CCDC149: variants seen among roughly 807,000 people sequenced by gnomAD.
CCDC149 encodes coiled-coil domain-containing protein 149.
A neutral mutation model predicts 59.9 loss-of-function variants in CCDC149; 45 were observed. That is an observed-to-expected ratio of 0.75 (90% CI 0.59 to 0.96). CCDC149 has a LOEUF of 0.96. Ranked by LOEUF, CCDC149 falls within the 40% of genes least tolerant of loss-of-function variation. CCDC149 has a pLI of 0.00. For synonymous variants in CCDC149, 245 were observed against 260.6 expected (o/e 0.94, Z 0.58); for missense variants, 584 against 664.7 (o/e 0.88, Z 1.33).
At position 24,808,404 on chromosome 4, in the gene CCDC149, G is replaced by A; in HGVS notation, c.1608C>T (p.Ser536=). Residue 536 remains serine (S), a synonymous_variant, in exon 13 of 13, where the codon AGC becomes AGT. Transcript: ENST00000635206. ...CCTCTCCCCTTCAGGTTTTCACGGT[G>A]CTCCTCATGCCTCCGCCCTCTGGGA... is the stretch of plus-strand genomic sequence containing the variant. The A allele has an allele frequency of 6.9e-7, 1 of 1,451,206 alleles. No homozygotes were observed. Among genetic ancestry groups the A allele is most frequent in the Non-Finnish European group, 9.1e-7 (1 of 1,100,198 alleles). The allele number at this position is 1,451,206 out of a possible 1,614,324, so 89.9% of individuals were successfully genotyped here.
Position 24,862,053 on chromosome 4 carries a change from G to A in CCDC149, c.265-8874C>T, listed in dbSNP as rs1021471408. ...GAAGAGAGAGACTCCTATCACCAGA[G>A]ACAGTCGGCACCAAGATGAATCTTG... On this transcript the variant is annotated intron_variant, in intron 3 of 12. Transcript: ENST00000635206. Among the ~76,000 whole-genome samples the A allele has an allele frequency of 2.6e-5, 4 of 152,204 alleles. No homozygotes were observed. The East Asian group carries it at 7.7e-4, about 29-fold the overall frequency.
intron 1 of CCDC149, among the ~76,000 whole-genome samples, chr4:24,886,977 G>T (rs908929460): frequency 6.6e-6 from 1 of 151,522 alleles, no homozygotes; most frequent in African/African-American, 2.4e-5. Context: ...ATATTTCTCT[G>T]CAATTGCATT....
At chr4:24,901,560 C>T (rs2109306637) in intron 1 of CCDC149, among the ~76,000 whole-genome samples, 1 of 152,294 alleles carries the variant, frequency 6.6e-6, no homozygotes, top group East Asian at 1.9e-4. Flanking sequence ...TTAAAAATAG[C>T]AGTTGAGCTC....
upstream of CCDC149, among the ~76,000 whole-genome samples, chr4:24,914,498 G>A (rs564705932): frequency 2.6e-5 from 4 of 152,016 alleles, no homozygotes; most frequent in Non-Finnish European, 4.4e-5. Flanking sequence ...ATAGCTTGCT[G>A]GTTAAGGTAG....
At chr4:24,834,314 T>C (rs948220902) in intron 8 of CCDC149, among the ~76,000 whole-genome samples, 1 of 152,164 alleles carries the variant, frequency 6.6e-6, no homozygotes, top group Non-Finnish European at 1.5e-5. Context: ...ATTCTGAATA[T>C]TAAGTGTCAG....
intron 1 of CCDC149, among the ~76,000 whole-genome samples, chr4:24,978,149 G>A (rs545955030): frequency 6.6e-6 from 1 of 152,110 alleles, no homozygotes; most frequent in Middle Eastern, 3.4e-3. Context: ...ATAAATACAT[G>A]AATAAATAAA....
chr4:24,838,847 C>A (rs1367785698), intron 4 of CCDC149, among the ~76,000 whole-genome samples: 1 of 151,288 alleles, frequency 6.6e-6, no homozygotes, highest in African/African-American at 2.4e-5. Flanking sequence ...TAGCAAACTA[C>A]AGTGCAACCA....
intron 1 of CCDC149, among the ~76,000 whole-genome samples, chr4:24,900,394 C>A (rs899259549): frequency 6.6e-6 from 1 of 152,164 alleles, no homozygotes; most frequent in South Asian, 2.1e-4. Flanking sequence ...TAGAGCTATA[C>A]GTGGGCAGGC....
intron 3 of CCDC149, among the ~76,000 whole-genome samples, chr4:24,860,869 G>A (rs1718335021): frequency 1.3e-5 from 2 of 152,106 alleles, no homozygotes; most frequent in Admixed American, 6.5e-5. Flanking sequence ...CTAATTATCA[G>A]GAAAATGCAA....
At chr4:24,913,049 G>T, upstream of CCDC149, 1 of 171,400 alleles carries the variant, frequency 5.8e-6, no homozygotes, top group South Asian at 1.8e-4. Flanking sequence ...CTCCGCCGGA[G>T]GGAAAGGGAG....
chr4:24,944,247 T>C (rs1723037667), intron 1 of CCDC149, among the ~76,000 whole-genome samples: 1 of 152,134 alleles, frequency 6.6e-6, no homozygotes, highest in South Asian at 2.1e-4. Context: ...ATGTCCTTTG[T>C]AGGGACATGG....
chr4:24,803,562 T>C (rs1713983685), downstream of CCDC149, among the ~76,000 whole-genome samples: 1 of 152,194 alleles, frequency 6.6e-6, no homozygotes, highest in Non-Finnish European at 1.5e-5. This position sits in a 1 kb window ranked among gnomAD's most constrained non-coding sequence, Gnocchi z 4.3. Context: ...AAAAAAGATA[T>C]AGTTATGATA....
rs188704443 is a variant in CCDC149, at chr4:24,831,171, A to C, written c.965+335T>G. ...TGGGAGTTTTAAATGGCACTGAGGC[A>C]GTTTCTCCCCTAAAAGAAGAGCTGG... On this transcript the variant is annotated intron_variant, in intron 9 of 12. Coordinates refer to ENST00000635206, the MANE Select transcript of CCDC149 (RefSeq NM_001330643.2). The C allele has an allele frequency of 1.7e-3, 310 of 181,866 alleles. 3 individuals carry two copies. Among genetic ancestry groups the C allele is most frequent in the African/African-American group, 6.7e-3 (283 of 42,350 alleles). 11.3% of individuals were successfully genotyped at this position (181,866 alleles called of 1,614,324 possible).
intron 4 of CCDC149, among the ~76,000 whole-genome samples, chr4:24,840,719 T>G (rs1396821189): frequency 6.6e-6 from 1 of 152,206 alleles, no homozygotes; most frequent in Non-Finnish European, 1.5e-5. Flanking sequence ...GCAAGAAGGC[T>G]GTGAAGTGCC....
At chr4:24,827,868 G>A (rs143625513) in intron 9 of CCDC149, 403 of 152,256 alleles carry the variant, frequency 2.6e-3, no homozygotes, top group African/African-American at 9.2e-3. Context: ...GCAAAATAAA[G>A]CCATTTCTTT....
chr4:24,822,847 C>A, intron 9 of CCDC149: 1 of 275,598 alleles, frequency 3.6e-6, no homozygotes. Context: ...TAAATGATGA[C>A]TCCACCGCTG....
intron 12 of CCDC149, among the ~76,000 whole-genome samples, chr4:24,810,363 A>G (rs576121644): frequency 1.3e-5 from 2 of 152,342 alleles, no homozygotes; most frequent in South Asian, 4.1e-4. Context: ...TTATGTATCC[A>G]GCTCAATGAA....
chr4:24,883,951 GGC>G (rs1720005074), intron 1 of CCDC149, among the ~76,000 whole-genome samples: 1 of 152,090 alleles, frequency 6.6e-6, no homozygotes, highest in Admixed American at 6.6e-5. Context: ...ATTCTACATT[GGC>G]ACCAAATTAG....
At chr4:24,871,863 T>G (rs954524159) in intron 3 of CCDC149, among the ~76,000 whole-genome samples, 1 of 152,088 alleles carries the variant, frequency 6.6e-6, no homozygotes, top group African/African-American at 2.4e-5. Context: ...TCAATGTAAA[T>G]TTTTTTTATT....
Sources: allele counts gnomAD v4.1 joint callset (sites outside exome capture counted in the v4.1 genomes callset), GRCh38; gene constraint gnomAD v4.1.1; non-coding constraint Gnocchi (gnomAD v3.1); transcripts MANE v1.5; gene names NCBI Gene and HGNC (gene_info 2026-07-23, HGNC 2026-07-21).